Variants in DHX32 observed in about 807,000 individuals in gnomAD.
DHX32 encodes putative pre-mRNA-splicing factor ATP-dependent RNA helicase DHX32.
Under a neutral mutation model 70.0 loss-of-function variants are expected in DHX32, and 51 were observed. The ratio of observed to expected loss-of-function variants is 0.73; its 90% CI spans 0.58 to 0.92. The LOEUF is 0.92. Among genes scored for constraint, DHX32 ranks in the 40% least tolerant of loss-of-function variants. DHX32 has a pLI of 0.00. For missense variants in DHX32, 762 were observed against 891.8 expected (o/e 0.85, Z 1.85); for synonymous variants, 310 against 315.3 (o/e 0.98, Z 0.18).
chr10:125,853,415 CTAATTTT>C (rs1449624768), intron 4 of DHX32: 2 of 366,400 alleles, frequency 5.5e-6, no homozygotes, highest in African/African-American at 4.2e-5. Context: ...TTCATTTTTT[CTAATTTT>C]TAATTTAAAA....
At chr10:125,855,077 C>T (rs1944134332) in intron 3 of DHX32, among the ~76,000 whole-genome samples, 1 of 151,984 alleles carries the variant, frequency 6.6e-6, no homozygotes, top group Non-Finnish European at 1.5e-5. Context: ...CAAAAATTAG[C>T]TGGGCATGAT....
chr10:125,858,691 T>G (rs529716016), intron 3 of DHX32, among the ~76,000 whole-genome samples: 1 of 152,316 alleles, frequency 6.6e-6, no homozygotes, highest in East Asian at 1.9e-4. Context: ...TCCTTTTTGG[T>G]TTCTGTTTAA....
intron 1 of DHX32, among the ~76,000 whole-genome samples, chr10:125,876,305 T>A (rs1469684536): frequency 6.6e-6 from 1 of 152,254 alleles, no homozygotes; most frequent in Non-Finnish European, 1.5e-5. Flanking sequence ...TTAGCCAGCT[T>A]TATGTGTATT....
At chr10:125,878,142 C>T (rs906161373) in intron 1 of DHX32, among the ~76,000 whole-genome samples, 1 of 152,152 alleles carries the variant, frequency 6.6e-6, no homozygotes, top group Non-Finnish European at 1.5e-5. Context: ...AATGTTGGGG[C>T]TCAGGACATA....
chr10:125,842,013 G>A, intron 6 of DHX32, 79 bp from the exon 7 acceptor site: 4 of 1,420,352 alleles, frequency 2.8e-6, no homozygotes, highest in Non-Finnish European at 3.7e-6. Context: ...TTTCCCTCCT[G>A]CATGAAACAA....
rs147163038 is a variant in DHX32, at chr10:125,875,344, C to T, written c.282+5199G>A. 3.2e-3 allele frequency among the ~76,000 whole-genome samples: 493 copies of T among 152,202 alleles called. 2 individuals are homozygous for T. Among genetic ancestry groups the T allele is most frequent in the Non-Finnish European group, 4.8e-3 (324 of 68,012 alleles). On this transcript the variant is annotated intron_variant, in intron 1 of 10. Transcript: ENST00000284690. Reference sequence around the variant, plus strand: ...GAGAAAAAAAAAATGGTTTCTACACCGGCATGCGGAATGTACTAGATGAAC... The same window carrying T: ...GAGAAAAAAAAAATGGTTTCTACACTGGCATGCGGAATGTACTAGATGAAC...
rs917380408 is a variant in DHX32 at position 125,838,348 on chromosome 10, G to C, written c.1921C>G (p.Leu641Val). The C allele has an allele frequency of 6.2e-7, 1 of 1,607,570 alleles. No individual in the cohort carries two copies. Among genetic ancestry groups the C allele is most frequent in the Non-Finnish European group, 8.5e-7 (1 of 1,178,518 alleles). The change falls in exon 10 of 11, where the codon CTG becomes GTG. Residue 641 changes from leucine to valine, a missense_variant. This residue lies in a region of DHX32 where 366 missense variants were observed against 402.6 expected (regional missense o/e 0.91). Coordinates refer to ENST00000284690, the MANE Select transcript of DHX32 (RefSeq NM_018180.3). ...DVDGSGNYLM[L>V]THKQVAQLHP... ...AGCTGAGCAACCTGCTTATGTGTCA[G>C]CATTAAGTAGTTACCTGATCCATCA... is the stretch of plus-strand genomic sequence containing the variant.
chr10:125,842,985 C>T (rs974488196), intron 6 of DHX32, among the ~76,000 whole-genome samples: 1 of 151,858 alleles, frequency 6.6e-6, no homozygotes, highest in Non-Finnish European at 1.5e-5. Flanking sequence ...TTTGCCATTA[C>T]TTTCAATGGC....
chr10:125,841,442 T>C, intron 7 of DHX32: 2 of 1,553,876 alleles, frequency 1.3e-6, no homozygotes, highest in Non-Finnish European at 1.7e-6. Flanking sequence ...AAAACACCTC[T>C]AGTGACACAT....
intron 1 of DHX32, among the ~76,000 whole-genome samples, chr10:125,887,055 A>G (rs1425987678): frequency 9.2e-5 from 14 of 152,230 alleles, no homozygotes; most frequent in Non-Finnish European, 1.9e-4. Flanking sequence ...CGGGCTGAGT[A>G]AATAGTGAAT....
intron 1 of DHX32, among the ~76,000 whole-genome samples, chr10:125,869,083 T>C (rs1325326178): frequency 6.6e-6 from 1 of 152,226 alleles, no homozygotes; most frequent in African/African-American, 2.4e-5. Context: ...TGATTCTACA[T>C]AGTTTAAGAT....
chr10:125,837,571 C>T (rs775480614), intron 10 of DHX32, among the ~76,000 whole-genome samples: 4 of 152,132 alleles, frequency 2.6e-5, no homozygotes, highest in African/African-American at 4.8e-5. Flanking sequence ...GGACTATAGG[C>T]GCATGCCACC....
chr10:125,880,284 T>C (rs372469004), intron 1 of DHX32, among the ~76,000 whole-genome samples: 23 of 152,310 alleles, frequency 1.5e-4, no homozygotes, highest in African/African-American at 5.3e-4. Context: ...CTAGGATCAT[T>C]TGAGTAATTT....
chr10:125,862,102 G>A (rs1403792896), intron 2 of DHX32, among the ~76,000 whole-genome samples: 1 of 152,152 alleles, frequency 6.6e-6, no homozygotes, highest in African/African-American at 2.4e-5. Flanking sequence ...GAAAAATTCA[G>A]TACCCTGCCC....
chr10:125,836,684 G>A lies in DHX32; in HGVS notation c.*3C>T. The A allele has an allele frequency of 1.2e-6, 2 of 1,613,336 alleles. No individual in the cohort carries two copies. Among genetic ancestry groups the A allele is most frequent in the Non-Finnish European group, 1.7e-6 (2 of 1,179,424 alleles). ...CCTGCTGCACCTTGTGTTTGCTGGGGAGTCACTGGAGAGTGCATCTCTGTT... is the reference window on the plus strand; with the variant it reads ...CCTGCTGCACCTTGTGTTTGCTGGGAAGTCACTGGAGAGTGCATCTCTGTT... On this transcript the variant is annotated 3_prime_UTR_variant, in exon 11 of 11. Transcript: ENST00000284690.
Position 125,867,538 on chromosome 10 carries a change from C to T in DHX32, c.283-355G>A, listed in dbSNP as rs1944228389. ...GATCACGAAGTCAGGAGATCGAGAC[C>T]ATCCTGGCTAACATGGTGAAACCCC... On this transcript the variant is annotated intron_variant, in intron 1 of 10. Transcript: ENST00000284690. Among the ~76,000 whole-genome samples the T allele has an allele frequency of 1.3e-5, 2 of 151,984 alleles. 1 individual carries two copies. Among genetic ancestry groups the T allele is most frequent in the Admixed American group, 1.3e-4 (2 of 15,260 alleles).
chr10:125,873,932 A>C (rs1480111390), intron 1 of DHX32, among the ~76,000 whole-genome samples: 2 of 152,226 alleles, frequency 1.3e-5, no homozygotes, highest in Non-Finnish European at 1.5e-5. Flanking sequence ...ATTCTTTTTC[A>C]TATCTTTTCA....
chr10:125,854,257 T>TA (rs1218132542), intron 3 of DHX32, 54 bp from the exon 4 acceptor site: 6 of 1,496,980 alleles, frequency 4.0e-6, no homozygotes, highest in Admixed American at 2.5e-5. Context: ...ACATCACTAT[T>TA]AAAAAAATGT....
intron 3 of DHX32, chr10:125,854,809 A>G (rs1380736237): frequency 6.6e-6 from 1 of 152,296 alleles, no homozygotes; most frequent in African/African-American, 2.4e-5. Flanking sequence ...AGCAAACAGC[A>G]TGGCTGTTGA....
Sources: gnomAD v4.1 joint callset for allele counts (sites outside exome capture counted in the v4.1 genomes callset) on GRCh38, gnomAD v4.1.1 for gene constraint, gnomAD v4.1.1 regional missense constraint, MANE v1.5 for transcripts, NCBI Gene and HGNC (gene_info 2026-07-23, HGNC 2026-07-21) for gene names.